Variants in SLC12A4 observed in about 807,000 individuals in gnomAD.
SLC12A4 encodes the protein solute carrier family 12 member 4, also known as electroneutral potassium-chloride cotransporter 1.
In SLC12A4, 84 loss-of-function variants were observed where a neutral mutation model predicts 119.2. The observed-to-expected ratio is 0.70, with a 90% CI of 0.59 to 0.85. The LOEUF (loss-of-function observed/expected upper bound fraction) is 0.85. Among genes scored for constraint, SLC12A4 ranks in the 40% least tolerant of loss-of-function variants. The pLI is 0.00. For synonymous variants in SLC12A4, 599 were observed against 604.6 expected (o/e 0.99, Z 0.14); for missense variants, 1,298 against 1,476.3 (o/e 0.88, Z 1.98).
At chr16:67,947,464 C>G in intron 15 of SLC12A4, 29 bp from the exon 16 acceptor site, 1 of 1,602,080 alleles carries the variant, frequency 6.2e-7, no homozygotes, top group Non-Finnish European at 8.5e-7. Context: ...CTGGTGAGCC[C>G]CTGGTGCCGC....
At chr16:67,966,665 G>C in intron 1 of SLC12A4, 1 of 1,505,444 alleles carries the variant, frequency 6.6e-7, no homozygotes, top group Non-Finnish European at 9.0e-7. Context: ...CACTGAACTG[G>C]GGAAGGGGCA....
At chr16:67,952,491 G>T (rs1791404240) in intron 6 of SLC12A4, 66 bp from the exon 7 acceptor site, 1 of 1,592,438 alleles carries the variant, frequency 6.3e-7, no homozygotes. Context: ...TGTCGTTTTG[G>T]TTTTCTTTTT....
Position 67,945,954 on chromosome 16 carries a change from C to T in SLC12A4, c.2736G>A (p.Glu912=). ...CAGGGCAGGGCAGAGGGCTCACCAT[C>T]TCCACCACCTCCACCTCGGCCTCAA... ...LRLEAEVEVV[E]MHNSDISAYT... The change falls in exon 20 of 24, where the codon GAG becomes GAA. Residue 912 remains glutamate, a synonymous_variant. Transcript: ENST00000316341. 6.2e-7 allele frequency: 1 copy of T among 1,613,408 alleles called. No homozygotes were observed. The highest frequency in any genetic ancestry group is 8.5e-7 in the Non-Finnish European group (1 of 1,179,450).
intron 3 of SLC12A4, among the ~76,000 whole-genome samples, chr16:67,958,957 G>C (rs537113555): frequency 1.3e-5 from 2 of 152,068 alleles, no homozygotes; most frequent in Admixed American, 6.6e-5. Context: ...AACAGAATGT[G>C]CTTGTATATT....
chr16:67,947,899 G>C (rs550974664), intron 14 of SLC12A4, 111 bp from the exon 15 acceptor site: 1 of 1,496,942 alleles, frequency 6.7e-7, no homozygotes, highest in East Asian at 2.4e-5. Context: ...TCCCAGGTGG[G>C]TGGTCAGGTC....
At chr16:67,957,710 C>T (rs760881940) in intron 5 of SLC12A4, 32 bp downstream of exon 5, 70 of 1,611,990 alleles carry the variant, frequency 4.3e-5, no homozygotes, top group Non-Finnish European at 5.7e-5. Context: ...GTCCTTTTCT[C>T]TTCCACCAGG....
chr16:67,945,947 T>C lies in SLC12A4; in HGVS notation c.2739+4A>G. ...ACGGGGCCAGGGCAGGGCAGAGGGCTCACCATCTCCACCACCTCCACCTCG... is the reference window on the plus strand; with the variant it reads ...ACGGGGCCAGGGCAGGGCAGAGGGCCCACCATCTCCACCACCTCCACCTCG... On this transcript the variant is annotated splice_donor_region_variant and intron_variant, in intron 20 of 23. Coordinates refer to ENST00000316341, the MANE Select transcript of SLC12A4 (RefSeq NM_005072.5). 6.2e-7 allele frequency: 1 copy of C among 1,613,294 alleles called. No individual in the cohort carries two copies. The highest frequency in any genetic ancestry group is 8.5e-7 in the Non-Finnish European group (1 of 1,179,412).
rs577264290 is a variant in SLC12A4 at position 67,947,581 on chromosome 16, G to T, written c.1967+88C>A. 2.0e-6 allele frequency: 3 copies of T among 1,527,816 alleles called. No homozygotes were observed. The East Asian group carries it at 7.3e-5, about 37-fold the overall frequency. The allele number at this position is 1,527,816 out of a possible 1,614,324, so 94.6% of individuals were successfully genotyped here. On this transcript the variant is annotated intron_variant, in intron 15 of 23. Coordinates refer to ENST00000316341, the MANE Select transcript of SLC12A4 (RefSeq NM_005072.5). The stretch of plus-strand genomic sequence containing the variant: ...CAGTCCTGGCACCCACGGTGGCCCA[G>T]CTCCCTGCCCACCCCAATGCCAGAC...
At position 67,944,970 on chromosome 16, in the gene SLC12A4, ACGGGCAACC is replaced by A; in HGVS notation, c.3167-48_3167-40del. On this transcript the variant is annotated intron_variant, in intron 23 of 23. Coordinates refer to ENST00000316341, the MANE Select transcript of SLC12A4 (RefSeq NM_005072.5). This position sits in a 1 kb window ranked among gnomAD's most constrained non-coding sequence, Gnocchi z 6.6. ...AGTCAAGGAGGCAACAACAGAATCA[ACGGGCAACC>A]CGGGCCACCTGGGCCATGCCCACCC... 5 of 1,612,498 alleles carry A rather than the reference ACGGGCAACC, an allele frequency of 3.1e-6. No homozygotes were observed. The highest frequency in any genetic ancestry group is 4.2e-6 in the Non-Finnish European group (5 of 1,179,524).
At chr16:67,965,731 C>T (rs969968433) in intron 1 of SLC12A4, among the ~76,000 whole-genome samples, 3 of 152,190 alleles carry the variant, frequency 2.0e-5, no homozygotes, top group Non-Finnish European at 4.4e-5. Flanking sequence ...TAAGACCTAG[C>T]CTATCCCTTG....
intron 1 of SLC12A4, chr16:67,964,033 A>C: frequency 6.4e-7 from 1 of 1,550,736 alleles, no homozygotes; most frequent in East Asian, 2.4e-5. Context: ...GCCATGGCCC[A>C]AAGGTGGCCG....
Position 67,945,761 on chromosome 16 carries a change from G to T in SLC12A4, c.2847+3C>A. 1 of 1,612,478 alleles carries T rather than the reference G, an allele frequency of 6.2e-7. No individual in the cohort carries two copies. The highest frequency in any genetic ancestry group is 1.1e-5 in the South Asian group (1 of 91,006). ...CCTGGCGTGAACCACAAAGGGCACT[G>T]ACTTCTCGCTCCCGCTCAGTCTTGG... On this transcript the variant is annotated splice_donor_region_variant and intron_variant, in intron 21 of 23. Coordinates refer to ENST00000316341, the MANE Select transcript of SLC12A4 (RefSeq NM_005072.5).
chr16:67,944,350 T>C lies in SLC12A4; in HGVS notation c.*490A>G. ...AGGCCCAGAACTACACAATGTTTTA[T>C]TGAAAAAGTCAGGCCTCAGCTCAGC... On this transcript the variant is annotated 3_prime_UTR_variant, in exon 24 of 24. Transcript: ENST00000316341. This position sits in a 1 kb window ranked among gnomAD's most constrained non-coding sequence, Gnocchi z 6.6. 2 of 1,363,760 alleles carry C rather than the reference T, an allele frequency of 1.5e-6. No individual in the cohort carries two copies. Among genetic ancestry groups the C allele is most frequent in the Non-Finnish European group, 1.9e-6 (2 of 1,059,346 alleles). The allele number at this position is 1,363,760 out of a possible 1,614,324, so 84.5% of individuals were successfully genotyped here. A position where few individuals can be genotyped will look rare whatever the true frequency, so the allele number is the denominator to read the frequency against.
chr16:67,968,014 C>A (rs1387360664), intron 1 of SLC12A4, among the ~76,000 whole-genome samples: 1 of 152,148 alleles, frequency 6.6e-6, no homozygotes, highest in Admixed American at 6.5e-5. Flanking sequence ...AGTTGGGGAG[C>A]GGATCGTCTC....
chr16:67,955,089 T>A (rs1459505435), intron 5 of SLC12A4, among the ~76,000 whole-genome samples: 1 of 152,236 alleles, frequency 6.6e-6, no homozygotes, highest in Non-Finnish European at 1.5e-5. Flanking sequence ...CACAGCCTCC[T>A]CTGGCTGGGT....
Position 67,947,372 on chromosome 16 carries a change from C to G in SLC12A4, c.2031G>C (p.Leu677=), listed in dbSNP as rs1399029426. ...GAGGAGGCCCCTCCTCCAGCCGCAA[C>G]AGCGCGTAGCGGGCAGCGCTCAGGG... is the stretch of plus-strand genomic sequence containing the variant. ...GLSLSAARYA[L]LRLEEGPPHT... is the part of the protein sequence containing the mutation. The change falls in exon 16 of 24, where the codon CTG becomes CTC. Residue 677 remains leucine (L), a synonymous_variant. Coordinates refer to ENST00000316341, the MANE Select transcript of SLC12A4 (RefSeq NM_005072.5). The G allele has an allele frequency of 9.9e-6, 16 of 1,612,722 alleles. No homozygotes were observed. In the East Asian group the frequency reaches 2.7e-4, roughly 27 times the overall value.
rs77631165 is a variant in SLC12A4 at position 67,958,255 on chromosome 16, C to T, written c.343-211G>A. 2.2e-3 allele frequency among the ~76,000 whole-genome samples: 337 copies of T among 152,320 alleles called. 2 individuals carry two copies. The highest frequency in any genetic ancestry group is 7.9e-3 in the African/African-American group (329 of 41,570). The stretch of plus-strand genomic sequence containing the variant: ...AAACCTGATTCTTTTTAAAAACCCA[C>T]ATTGAACTTTGGAACCTTAACTCTC... On this transcript the variant is annotated intron_variant, in intron 3 of 23. Coordinates refer to ENST00000316341, the MANE Select transcript of SLC12A4 (RefSeq NM_005072.5).
chr16:67,967,254 C>T (rs969415219), intron 1 of SLC12A4, among the ~76,000 whole-genome samples: 1 of 152,230 alleles, frequency 6.6e-6, no homozygotes. Context: ...TCATCTCAGT[C>T]GTGTCACCAT....
intron 15 of SLC12A4, 104 bp downstream of exon 15, chr16:67,947,565 C>T: frequency 4.0e-6 from 6 of 1,510,782 alleles, no homozygotes; most frequent in Non-Finnish European, 4.5e-6. Context: ...CCAGTCCTGG[C>T]ACCCACGGTG....
Sources: allele counts gnomAD v4.1 joint callset (sites outside exome capture counted in the v4.1 genomes callset), GRCh38; gene constraint gnomAD v4.1.1; non-coding constraint Gnocchi (gnomAD v3.1); transcripts MANE v1.5; gene names NCBI Gene and HGNC (gene_info 2026-07-23, HGNC 2026-07-21).